Variants in C12orf42 observed in about 807,000 individuals in gnomAD.
C12orf42 encodes uncharacterized protein C12orf42.
A neutral mutation model predicts 21.6 loss-of-function variants in C12orf42; 25 were observed. That is an observed-to-expected ratio of 1.16 (90% CI 0.84 to 1.62). The LOEUF (loss-of-function observed/expected upper bound fraction) is 1.62. Among genes scored for constraint, C12orf42 ranks in the 40% most tolerant of loss-of-function variants. The pLI is 0.00. For missense variants in C12orf42, 483 were observed against 459.3 expected, an observed-to-expected ratio of 1.05 and a Z score of -0.47; for synonymous variants, 174 against 175.0, an observed-to-expected ratio of 0.99 and a Z score of 0.05.
At chr12:103,091,436 ACTCTTGTCGTT>A in the C12orf42 span, among the ~76,000 whole-genome samples, 1 of 151,492 alleles carries the variant, frequency 6.6e-6, no homozygotes, top group Non-Finnish European at 1.5e-5. Flanking sequence ...GTCACAGAGC[ACTCTTGTCGTT>A]CTCCTCATTT....
At chr12:103,081,110 G>C in the C12orf42 span, 1 of 152,098 alleles carries the variant, frequency 6.6e-6, no homozygotes, top group Non-Finnish European at 1.5e-5. Context: ...ATTTGACCAT[G>C]GACTTCCCAC....
the C12orf42 span, among the ~76,000 whole-genome samples, chr12:103,228,086 C>T: frequency 2.0e-5 from 3 of 152,134 alleles, no homozygotes; most frequent in African/African-American, 7.2e-5. Flanking sequence ...GTCCCCTGAT[C>T]AGAGTCACGG....
At chr12:103,097,720 TAGAGG>T in the C12orf42 span, among the ~76,000 whole-genome samples, 1 of 152,204 alleles carries the variant, frequency 6.6e-6, no homozygotes, top group South Asian at 2.1e-4. Context: ...AGGAGATAGA[TAGAGG>T]AAAGACAGGT....
chr12:103,440,969 A>G (rs1242342010), intron 2 of C12orf42, among the ~76,000 whole-genome samples: 1 of 152,210 alleles, frequency 6.6e-6, no homozygotes, highest in African/African-American at 2.4e-5. Flanking sequence ...TATTTCTGCT[A>G]TGTTTGAATT....
chr12:103,375,993 T>C (rs2045656794), intron 3 of C12orf42, among the ~76,000 whole-genome samples: 1 of 152,160 alleles, frequency 6.6e-6, no homozygotes, highest in South Asian at 2.1e-4. Flanking sequence ...GGAAAGAAAA[T>C]AATATCTACC....
intron 4 of C12orf42, among the ~76,000 whole-genome samples, chr12:103,286,190 G>T (rs556431227): frequency 6.6e-6 from 1 of 152,124 alleles, no homozygotes; most frequent in South Asian, 2.1e-4. Flanking sequence ...GGCGGAGCTT[G>T]CAGTGAGCCG....
At chr12:103,224,224 C>G in the C12orf42 span, among the ~76,000 whole-genome samples, 1 of 152,110 alleles carries the variant, frequency 6.6e-6, no homozygotes, top group South Asian at 2.1e-4. Context: ...GGCAAATCCT[C>G]GAGCTTGATG....
At chr12:103,288,142 A>C (rs2036588163) in intron 4 of C12orf42, among the ~76,000 whole-genome samples, 1 of 152,176 alleles carries the variant, frequency 6.6e-6, no homozygotes, top group East Asian at 1.9e-4. Flanking sequence ...ATATTCTCCC[A>C]AATTTACCAT....
chr12:103,483,635 G>T (rs1954622751), intron 1 of C12orf42, among the ~76,000 whole-genome samples: 1 of 151,694 alleles, frequency 6.6e-6, no homozygotes, highest in Non-Finnish European at 1.5e-5. Flanking sequence ...TTTATGTCAG[G>T]TTTATGTTTT....
the C12orf42 span, among the ~76,000 whole-genome samples, chr12:103,080,037 T>C: frequency 3.3e-5 from 5 of 152,180 alleles, no homozygotes; most frequent in Non-Finnish European, 5.9e-5. Flanking sequence ...ACAGACATTA[T>C]ATATACACCA....
intron 2 of C12orf42, among the ~76,000 whole-genome samples, chr12:103,403,237 G>A (rs1193175988): frequency 6.6e-6 from 1 of 152,128 alleles, no homozygotes; most frequent in East Asian, 1.9e-4. Flanking sequence ...TTAGCCGGGA[G>A]TGGTGGCGGG....
At chr12:103,383,698 T>A (rs1342056516) in intron 3 of C12orf42, among the ~76,000 whole-genome samples, 1 of 152,188 alleles carries the variant, frequency 6.6e-6, no homozygotes, top group Non-Finnish European at 1.5e-5. Context: ...ATAGCCAACA[T>A]AAATGACATA....
chr12:103,546,391 G>A, the C12orf42 span, among the ~76,000 whole-genome samples: 1 of 152,134 alleles, frequency 6.6e-6, no homozygotes, highest in Non-Finnish European at 1.5e-5. Flanking sequence ...CTTCCCTAAG[G>A]GGATGATAGG....
At chr12:103,323,489 A>G (rs1818717399) in intron 4 of C12orf42, among the ~76,000 whole-genome samples, 2 of 152,224 alleles carry the variant, frequency 1.3e-5, no homozygotes, top group Admixed American at 1.3e-4. Flanking sequence ...ATCCAAAAAA[A>G]ATACAGTTTA....
the C12orf42 span, among the ~76,000 whole-genome samples, chr12:103,212,125 A>G: frequency 2.0e-5 from 3 of 152,160 alleles, no homozygotes; most frequent in Non-Finnish European, 4.4e-5. Context: ...TTTTCTTTCC[A>G]CAAAGATAAC....
the C12orf42 span, among the ~76,000 whole-genome samples, chr12:103,556,444 T>C: frequency 6.6e-6 from 1 of 152,182 alleles, no homozygotes; most frequent in Non-Finnish European, 1.5e-5. Flanking sequence ...AGCAAAATAA[T>C]TCTTCAGGAA....
At chr12:103,518,662 A>G in the C12orf42 span, among the ~76,000 whole-genome samples, 4 of 152,332 alleles carry the variant, frequency 2.6e-5, no homozygotes, top group African/African-American at 9.6e-5. Flanking sequence ...TTCACACTGT[A>G]TAGAGAAATG....
chr12:103,320,952 T>G (rs1378272955), intron 4 of C12orf42, among the ~76,000 whole-genome samples: 1 of 152,218 alleles, frequency 6.6e-6, no homozygotes, highest in Non-Finnish European at 1.5e-5. Context: ...TATGTTTTTC[T>G]GAATCCAGCC....
chr12:103,489,547 C>CT (rs1357984952), intron 1 of C12orf42, among the ~76,000 whole-genome samples: 1 of 152,234 alleles, frequency 6.6e-6, no homozygotes, highest in African/African-American at 2.4e-5. Flanking sequence ...CAGCTATGCC[C>CT]TGCCCAAAGA....
Sources: allele counts gnomAD v4.1 joint callset (sites outside exome capture counted in the v4.1 genomes callset), GRCh38; gene constraint gnomAD v4.1.1; transcripts MANE v1.5; gene names NCBI Gene and HGNC (gene_info 2026-07-23, HGNC 2026-07-21).